The following SATB2 variants were observed in gnomAD, a reference collection of about 807,000 sequenced individuals.
The protein encoded by SATB2 is DNA-binding protein SATB2.
SATB2 carries 1 observed loss-of-function variant against 73.4 expected under a neutral mutation model. The ratio of observed to expected loss-of-function variants is 0.01; its 90% CI spans 0.00 to 0.06. The LOEUF is 0.06. SATB2 is among the 10% of genes least tolerant of loss of function. The probability of loss-of-function intolerance (pLI) is 1.00; values close to 1 mark genes in which losing one functional copy is unlikely to be tolerated. For missense variants in SATB2, 459 were observed against 945.8 expected, an observed-to-expected ratio of 0.49 and a Z score of 6.75; for synonymous variants, 397 against 367.0, an observed-to-expected ratio of 1.08 and a Z score of -0.93.
rs768447747 is a variant in SATB2 at position 199,272,235 on chromosome 2, T to C, written c.2178A>G (p.Ala726=). Residue 726 remains alanine (A), a synonymous_variant, in exon 11 of 11, where the codon GCA becomes GCG. Coordinates refer to ENST00000417098, the MANE Select transcript of SATB2 (RefSeq NM_001172509.2). This position sits in a 1 kb window ranked among gnomAD's most constrained non-coding sequence, Gnocchi z 6.7. The part of the protein sequence containing the change: ...EEENADKSKA[A]PAEIDQR Reference sequence around the variant, plus strand: ...ATTATCTCTGGTCAATTTCGGCAGGTGCTGCCTTGCTTTTGTCAGCATTTT... The same window carrying C: ...ATTATCTCTGGTCAATTTCGGCAGGCGCTGCCTTGCTTTTGTCAGCATTTT... The C allele has an allele frequency of 6.2e-7, 1 of 1,614,108 alleles. No individual in the cohort carries two copies. The highest frequency in any genetic ancestry group is 8.5e-7 in the Non-Finnish European group (1 of 1,180,010).
In SATB2 at chr2:199,308,583, C is replaced by CACACAT. The variant is rs1001537911; in HGVS notation, c.1740+171_1740+176dup. 6.6e-6 allele frequency among the ~76,000 whole-genome samples: 1 copy of CACACAT among 151,714 alleles called. No individual in the cohort carries two copies. On this transcript the variant is annotated intron_variant, in intron 10 of 10. Transcript: ENST00000417098. The surrounding 1 kb of genome is among the most constrained non-coding windows in gnomAD (Gnocchi z 4.6). ...ACACACGCACGCACATGCACACACA[C>CACACAT]ACACATACACATACACACAGTACCC...
chr2:199,356,571 C>A (rs139502114), intron 6 of SATB2, among the ~76,000 whole-genome samples: 6 of 152,252 alleles, frequency 3.9e-5, no homozygotes, highest in Non-Finnish European at 7.4e-5. Context: ...AAAAAATGTG[C>A]TCTAGGTCGA....
intron 6 of SATB2, among the ~76,000 whole-genome samples, chr2:199,360,830 C>T (rs1433261800): frequency 6.6e-6 from 1 of 152,118 alleles, no homozygotes; most frequent in Non-Finnish European, 1.5e-5. Flanking sequence ...TGTTCTCACA[C>T]TTCAGAGAGA....
intron 3 of SATB2, among the ~76,000 whole-genome samples, chr2:199,384,947 GATTAT>G (rs1279234016): frequency 6.6e-6 from 1 of 152,162 alleles, no homozygotes; most frequent in Non-Finnish European, 1.5e-5. Flanking sequence ...GATTTTTGAT[GATTAT>G]ATTAGCTTTC....
Position 199,308,212 on chromosome 2 carries a change from T to C in SATB2, c.1740+548A>G, listed in dbSNP as rs1687489697. Reference sequence around the variant, plus strand: ...CGCAATCCAAAGGAAGGCAGATTTCTAAATGAGATGTAACCAAAGACAGCA... The same window carrying C: ...CGCAATCCAAAGGAAGGCAGATTTCCAAATGAGATGTAACCAAAGACAGCA... On this transcript the variant is annotated intron_variant, in intron 10 of 10. Coordinates refer to ENST00000417098, the MANE Select transcript of SATB2 (RefSeq NM_001172509.2). The surrounding 1 kb of genome is among the most constrained non-coding windows in gnomAD (Gnocchi z 4.6). 6.6e-6 allele frequency among the ~76,000 whole-genome samples: 1 copy of C among 152,182 alleles called. No homozygotes were observed. Among genetic ancestry groups the C allele is most frequent in the Non-Finnish European group, 1.5e-5 (1 of 68,034 alleles).
intron 3 of SATB2, among the ~76,000 whole-genome samples, chr2:199,427,876 T>C (rs62178610): frequency 0.04 from 6,119 of 152,176 alleles, 143 homozygotes; most frequent in Middle Eastern, 0.088. Flanking sequence ...CAATAGTACA[T>C]TGTAAAGAGA....
chr2:199,281,815 C>T (rs185975117), intron 10 of SATB2, among the ~76,000 whole-genome samples: 32 of 151,882 alleles, frequency 2.1e-4, no homozygotes, highest in Admixed American at 1.9e-3. Context: ...ATTGGCATAC[C>T]ATATGCCTGG....
chr2:199,373,266 C>T (rs1482779836), intron 5 of SATB2, among the ~76,000 whole-genome samples: 6 of 151,900 alleles, frequency 3.9e-5, no homozygotes, highest in African/African-American at 1.5e-4. Flanking sequence ...CATTTTCGGC[C>T]TTTTCAATCT....
At position 199,320,743 on chromosome 2, in the gene SATB2, C is replaced by A. The variant is rs180794962; in HGVS notation, c.1542+3060G>T. 1.6e-4 allele frequency among the ~76,000 whole-genome samples: 25 copies of A among 152,226 alleles called. 1 individual carries two copies. The East Asian group carries it at 4.8e-3, about 29-fold the overall frequency. Reference sequence around the variant, plus strand: ...CTTAAACACTTACAGCCCTCGAGGACCCTCTTGGACCACCATTCCTACTCT... The same window carrying A: ...CTTAAACACTTACAGCCCTCGAGGAACCTCTTGGACCACCATTCCTACTCT... On this transcript the variant is annotated intron_variant, in intron 9 of 10. Coordinates refer to ENST00000417098, the MANE Select transcript of SATB2 (RefSeq NM_001172509.2).
chr2:199,448,197 AAATAT>A (rs1225264430), intron 2 of SATB2, among the ~76,000 whole-genome samples: 1 of 152,232 alleles, frequency 6.6e-6, no homozygotes, highest in East Asian at 1.9e-4. Flanking sequence ...GTAAGCTATT[AAATAT>A]ATCAATTTTG....
At chr2:199,391,143 T>C (rs370384090) in intron 3 of SATB2, among the ~76,000 whole-genome samples, 1 of 152,178 alleles carries the variant, frequency 6.6e-6, no homozygotes, top group Non-Finnish European at 1.5e-5. Flanking sequence ...TTTTTGTTTT[T>C]GTTCCCTTTA....
chr2:199,348,552 A>G, intron 7 of SATB2, 149 bp downstream of exon 7: 1 of 711,866 alleles, frequency 1.4e-6, no homozygotes, highest in South Asian at 1.6e-5. Context: ...ATCAATGGTA[A>G]TAGCGTTTCA....
At chr2:199,405,891 T>C (rs1376354259) in intron 3 of SATB2, among the ~76,000 whole-genome samples, 2 of 152,148 alleles carry the variant, frequency 1.3e-5, no homozygotes, top group Non-Finnish European at 2.9e-5. Flanking sequence ...GAATATTGCA[T>C]GGGTCAAGGT....
intron 9 of SATB2, among the ~76,000 whole-genome samples, chr2:199,315,737 G>T (rs1028798915): frequency 3.3e-5 from 5 of 152,018 alleles, no homozygotes; most frequent in Non-Finnish European, 7.4e-5. Flanking sequence ...AGCCTGCTCT[G>T]ATCTCCCACA....
chr2:199,320,873 A>G (rs930340725), intron 9 of SATB2, among the ~76,000 whole-genome samples: 3 of 152,110 alleles, frequency 2.0e-5, no homozygotes, highest in Admixed American at 6.6e-5. Flanking sequence ...AATTAACACC[A>G]AGGAGTGTTA....
At chr2:199,424,282 AC>A (rs1249142469) in intron 3 of SATB2, among the ~76,000 whole-genome samples, 1 of 152,162 alleles carries the variant, frequency 6.6e-6, no homozygotes, top group Non-Finnish European at 1.5e-5. Context: ...CATCACAGTC[AC>A]GCAAAATCTA....
At chr2:199,275,782 C>T (rs573924121) in intron 10 of SATB2, among the ~76,000 whole-genome samples, 1 of 152,274 alleles carries the variant, frequency 6.6e-6, no homozygotes, top group South Asian at 2.1e-4. Flanking sequence ...TATCTTCTAG[C>T]ATCTTCTAAC....
intron 7 of SATB2, among the ~76,000 whole-genome samples, chr2:199,345,997 T>C (rs1013547154): frequency 2.0e-5 from 3 of 152,126 alleles, no homozygotes; most frequent in African/African-American, 7.2e-5. Context: ...AATAACTCTT[T>C]ACAAGCAAAG....
At chr2:199,421,770 C>T (rs1315897548) in intron 3 of SATB2, among the ~76,000 whole-genome samples, 2 of 152,194 alleles carry the variant, frequency 1.3e-5, no homozygotes, top group African/African-American at 2.4e-5. Flanking sequence ...ACATTAAAAA[C>T]AAACGCTTAA....
Sources: allele counts gnomAD v4.1 joint callset (sites outside exome capture counted in the v4.1 genomes callset), GRCh38; gene constraint gnomAD v4.1.1; non-coding constraint Gnocchi (gnomAD v3.1); transcripts MANE v1.5; gene names NCBI Gene and HGNC (gene_info 2026-07-23, HGNC 2026-07-21).